The following ERCC2 variants were observed in gnomAD, a reference collection of about 807,000 sequenced individuals.
The protein encoded by ERCC2 is ERCC excision repair 2, TFIIH core complex helicase subunit.
A neutral mutation model predicts 99.4 loss-of-function variants in ERCC2; 90 were observed. That is an observed-to-expected ratio of 0.91 (90% CI 0.76 to 1.08). The LOEUF (loss-of-function observed/expected upper bound fraction) is 1.08. Ranked by LOEUF, ERCC2 falls within the 50% of genes least tolerant of loss-of-function variation. ERCC2 has a pLI of 0.00. For synonymous variants in ERCC2, 497 were observed against 432.4 expected, an observed-to-expected ratio of 1.15 and a Z score of -1.85; for missense variants, 993 against 1,038.1, an observed-to-expected ratio of 0.96 and a Z score of 0.60.
At position 45,350,436 on chromosome 19, in the gene ERCC2, G is replaced by T. The variant is rs529421297; in HGVS notation, c.*1193C>A. ...AGGACCTACCCGCCCCTCTCGGTGAGCCCCTAGCCCCTGTCTGTCTTCCCT... is the reference window on the plus strand; with the variant it reads ...AGGACCTACCCGCCCCTCTCGGTGATCCCCTAGCCCCTGTCTGTCTTCCCT... On this transcript the variant is annotated 3_prime_UTR_variant, in exon 23 of 23. Transcript: ENST00000391945. 12 of 1,612,998 alleles carry T rather than the reference G, an allele frequency of 7.4e-6. No homozygotes were observed. In the South Asian group the frequency reaches 9.9e-5, roughly 13 times the overall value.
At chr19:45,364,582 G>A (rs756557340) in intron 7 of ERCC2, 35 bp from the exon 8 acceptor site, 1 of 1,610,330 alleles carries the variant, frequency 6.2e-7, no homozygotes, top group Non-Finnish European at 8.5e-7. Context: ...CCAGGGCCCT[G>A]CCACCCCAAC....
In ERCC2 at chr19:45,357,693, G is replaced by A; in HGVS notation, c.1244C>T (p.Thr415Ile). Residue 415 changes from threonine (T) to isoleucine (I), a missense_variant, in exon 13 of 23, where the codon ACC (threonine) becomes ATC (isoleucine). Physicochemically the swap from Thr to Ile is moderately conservative, Grantham distance 89 (BLOSUM62 -1). Around this residue, in one of 3 missense-constraint regions of ERCC2, gnomAD observed 909 missense variants for 930.8 expected, o/e 0.98. Coordinates refer to ENST00000391945, the MANE Select transcript of ERCC2 (RefSeq NM_000400.4). ...TLVSTYAKGF[T>I]IIIEPFDDRT... ...GTCGTCAAAGGGCTCGATGATGATG[G>A]TGAAGCCTGCAGAGGGCAGGCAAGG... The A allele has an allele frequency of 1.2e-6, 2 of 1,613,708 alleles. No individual in the cohort carries two copies. The highest frequency in any genetic ancestry group is 1.6e-4 in the Middle Eastern group (1 of 6,062).
intron 18 of ERCC2, 43 bp downstream of exon 18, chr19:45,353,199 G>GCC: frequency 6.2e-7 from 1 of 1,612,432 alleles, no homozygotes; most frequent in Non-Finnish European, 8.5e-7. Flanking sequence ...ACTCCTCAGA[G>GCC]CCACCTCCCC....
chr19:45,360,928 C>T (rs1025216255), intron 12 of ERCC2, among the ~76,000 whole-genome samples: 4 of 152,000 alleles, frequency 2.6e-5, no homozygotes, highest in Non-Finnish European at 4.4e-5. Flanking sequence ...GTCAGGAGAT[C>T]GAGACCGTCC....
rs528240658 is a variant in ERCC2, at chr19:45,351,573, G to C, written c.*56C>G. 2.2e-5 allele frequency: 35 copies of C among 1,610,872 alleles called. No homozygotes were observed. The African/African-American group carries it at 4.5e-4, about 21-fold the overall frequency. On this transcript the variant is annotated 3_prime_UTR_variant, in exon 23 of 23. Coordinates refer to ENST00000391945, the MANE Select transcript of ERCC2 (RefSeq NM_000400.4). ...CTAGCACCACCGCCGCTGGGAACCA[G>C]GGCCAGGCAAGACTCAGGAGTCACC...
rs1204111578 is a variant in ERCC2 at position 45,364,550 on chromosome 19, G to C, written c.595-3C>G. The C allele has an allele frequency of 6.2e-7, 1 of 1,612,538 alleles. No individual in the cohort carries two copies. Among genetic ancestry groups the C allele is most frequent in the Non-Finnish European group, 8.5e-7 (1 of 1,179,942 alleles). ...ACCACCACATTGGCATGCAGGATCT[G>C]GGGGGCCGGGGAGCAGGGTTACCAG... On this transcript the variant is annotated splice_polypyrimidine_tract_variant and splice_region_variant and intron_variant, in intron 7 of 22. Transcript: ENST00000391945.
At position 45,364,135 on chromosome 19, in the gene ERCC2, C is replaced by T; in HGVS notation, c.816-16G>A. 1 of 1,611,720 alleles carries T rather than the reference C, an allele frequency of 6.2e-7. No individual in the cohort carries two copies. Among genetic ancestry groups the T allele is most frequent in the Non-Finnish European group, 8.5e-7 (1 of 1,179,222 alleles). On this transcript the variant is annotated splice_polypyrimidine_tract_variant and intron_variant, in intron 9 of 22. Transcript: ENST00000391945. ...CTCTTTGATCCTGCGGAGAGATGAG[C>T]TGGGGCTGGGAGGGGGCTGGCAACC...
chr19:45,369,025 C>T (rs780674838), intron 3 of ERCC2, 33 bp from the exon 4 acceptor site: 24 of 1,613,904 alleles, frequency 1.5e-5, no homozygotes, highest in Non-Finnish European at 7.6e-6. Flanking sequence ...GTCCCTGTCC[C>T]GCCCCTTCCT....
At chr19:45,370,336 C>G in intron 1 of ERCC2, 104 bp from the exon 2 acceptor site, 3 of 1,543,320 alleles carry the variant, frequency 1.9e-6, no homozygotes, top group Non-Finnish European at 2.6e-6. Context: ...GCCCGGCGCC[C>G]CCGGTAACCC....
chr19:45,351,747 G>C (rs774627578), intron 22 of ERCC2, 26 bp from the exon 23 acceptor site: 1 of 1,608,476 alleles, frequency 6.2e-7, no homozygotes. Context: ...GAAAGGGAGA[G>C]GGGGGCACTG....
Position 45,354,789 on chromosome 19 carries a change from C to G in ERCC2, c.1606G>C (p.Val536Leu). The G allele has an allele frequency of 6.2e-7, 1 of 1,614,058 alleles. No individual in the cohort carries two copies. The highest frequency in any genetic ancestry group is 8.5e-7 in the Non-Finnish European group (1 of 1,179,940). The change falls in exon 17 of 23, where the codon GTG (valine) becomes CTG (leucine). Residue 536 changes from valine to leucine, a missense_variant. Physicochemically the swap from Val to Leu is conservative, Grantham distance 32. This residue lies in a region of ERCC2 where 909 missense variants were observed against 930.8 expected (regional missense o/e 0.98). Coordinates refer to ENST00000391945, the MANE Select transcript of ERCC2 (RefSeq NM_000400.4). ...TACTGGTAGCTGGTGAAGAAGGCCA[C>G]GATGCCATCAGGGACCACAGCGGAC... ...EMSAVVPDGI[V>L]AFFTSYQYME...
At position 45,364,427 on chromosome 19, in the gene ERCC2, T is replaced by A. The variant is rs1450286298; in HGVS notation, c.715A>T (p.Ile239Phe). ...TGGCCCCTGGCGCCCCCCTCACCAA[T>A]GTTGTGGGCCTCGTCGAAGACCACG... ...AVVVFDEAHNIDNVCIDSMSV... is the reference protein window; with the variant it reads ...AVVVFDEAHNFDNVCIDSMSV... The change falls in exon 8 of 23, where the codon ATT (isoleucine) becomes TTT (phenylalanine). Residue 239 changes from isoleucine to phenylalanine, a missense_variant. By Grantham distance (21) the Ile-to-Phe change is conservative. Coordinates refer to ENST00000391945, the MANE Select transcript of ERCC2 (RefSeq NM_000400.4). The A allele has an allele frequency of 6.2e-7, 1 of 1,613,854 alleles. No individual in the cohort carries two copies.
intron 1 of ERCC2, 65 bp downstream of exon 1, chr19:45,370,471 C>T (rs1001839560): frequency 6.5e-7 from 1 of 1,540,948 alleles, no homozygotes; most frequent in South Asian, 1.2e-5. Flanking sequence ...GCGCGCCCAC[C>T]GATGACCCCA....
At chr19:45,368,828 G>A in intron 4 of ERCC2, 85 bp from the exon 5 acceptor site, 1 of 1,562,732 alleles carries the variant, frequency 6.4e-7, no homozygotes, top group Non-Finnish European at 8.8e-7. Flanking sequence ...CTCTTCCCCA[G>A]CTTCCCAAAC....
At chr19:45,367,951 G>A (rs977655176) in intron 5 of ERCC2, among the ~76,000 whole-genome samples, 6 of 149,100 alleles carry the variant, frequency 4.0e-5, no homozygotes, top group Non-Finnish European at 8.9e-5. Flanking sequence ...AGGCTGGAAT[G>A]CAGTGGCATG....
In ERCC2 at chr19:45,363,939, G is replaced by A. The variant is rs1185972528; in HGVS notation, c.950-28C>T. On this transcript the variant is annotated intron_variant, in intron 10 of 22. Coordinates refer to ENST00000391945, the MANE Select transcript of ERCC2 (RefSeq NM_000400.4). ...GCGAGGAGACGCTATCAGCGGCGAC[G>A]GGGAGGCGGGAAAGGGACTGGGGGG... The A allele has an allele frequency of 7.8e-6, 12 of 1,528,912 alleles. No individual in the cohort carries two copies. In the Admixed American group the frequency reaches 9.9e-5, roughly 13 times the overall value. 94.7% of individuals were successfully genotyped at this position (1,528,912 alleles called of 1,614,324 possible). A position where few individuals can be genotyped will look rare whatever the true frequency, so the allele number is the denominator to read the frequency against.
chr19:45,350,740 G>A lies in ERCC2; in HGVS notation c.*889C>T, dbSNP rs779104723. On this transcript the variant is annotated 3_prime_UTR_variant, in exon 23 of 23. Coordinates refer to ENST00000391945, the MANE Select transcript of ERCC2 (RefSeq NM_000400.4). ...GCTCCGAGGCGAGGCGGCGGCAGGA[G>A]CAGCCGGGTGAGTGTTGATCAGGTC... is the stretch of plus-strand genomic sequence containing the variant. 2 of 1,610,634 alleles carry A rather than the reference G, an allele frequency of 1.2e-6. No homozygotes were observed. The highest frequency in any genetic ancestry group is 1.7e-5 in the Admixed American group (1 of 59,382).
In ERCC2 at chr19:45,351,264, C is replaced by T. The variant is rs751995064; in HGVS notation, c.*365G>A. ...ACTTGCCCCTCACCTCCCCTCCAAC[C>T]ATCCCCTGTGCCTGTCTCCAGTTTC... On this transcript the variant is annotated 3_prime_UTR_variant, in exon 23 of 23. Coordinates refer to ENST00000391945, the MANE Select transcript of ERCC2 (RefSeq NM_000400.4). The T allele has an allele frequency of 3.7e-6, 6 of 1,610,284 alleles. No individual in the cohort carries two copies. In the East Asian group the frequency reaches 1.1e-4, roughly 30 times the overall value.
Position 45,350,419 on chromosome 19 carries a change from C to T in ERCC2, c.*1210G>A, listed in dbSNP as rs1225300760. The T allele has an allele frequency of 6.2e-7, 1 of 1,613,842 alleles. No individual in the cohort carries two copies. The highest frequency in any genetic ancestry group is 8.5e-7 in the Non-Finnish European group (1 of 1,179,856). ...AGAAATCCTCCACAAGGAGGACCTA[C>T]CCGCCCCTCTCGGTGAGCCCCTAGC... On this transcript the variant is annotated 3_prime_UTR_variant, in exon 23 of 23. Transcript: ENST00000391945.
Sources: allele counts gnomAD v4.1 joint callset (sites outside exome capture counted in the v4.1 genomes callset), GRCh38; gene constraint gnomAD v4.1.1; regional missense constraint gnomAD v4.1.1; transcripts MANE v1.5; gene names NCBI Gene and HGNC (gene_info 2026-07-23, HGNC 2026-07-21).